ACBD6: variants seen among roughly 807,000 people sequenced by gnomAD.
ACBD6 encodes the protein acyl-CoA-binding domain-containing protein 6.
A neutral mutation model predicts 37.2 loss-of-function variants in ACBD6; 28 were observed. The observed-to-expected ratio is 0.75, with a 90% CI of 0.56 to 1.03. ACBD6 has a LOEUF of 1.03. ACBD6 is among the 50% of genes least tolerant of loss of function. ACBD6 has a pLI of 0.00. For missense variants in ACBD6, 340 were observed against 337.4 expected (o/e 1.01, Z -0.06); for synonymous variants, 113 against 126.8 (o/e 0.89, Z 0.73).
At chr1:180,419,365 T>A (rs1324311321) in intron 4 of ACBD6, among the ~76,000 whole-genome samples, 5 of 152,264 alleles carry the variant, frequency 3.3e-5, no homozygotes, top group African/African-American at 1.2e-4. Flanking sequence ...TAACATCTCC[T>A]ATGAATCTTA....
At chr1:180,271,509 C>T (rs1276903015) in exon 14 of ACBD6, 9 of 1,614,170 alleles carry the variant, frequency 5.6e-6, no homozygotes, top group Non-Finnish European at 6.8e-6. Flanking sequence ...TCCTCAGAGA[C>T]AGGCCTGGAC....
chr1:180,433,465 TTCTAAGA>T (rs1203438648), intron 3 of ACBD6, among the ~76,000 whole-genome samples: 2 of 152,182 alleles, frequency 1.3e-5, no homozygotes, highest in African/African-American at 4.8e-5. Context: ...AAAGCTTTCT[TTCTAAGA>T]TCAGGAACAA....
chr1:180,274,605 C>A, intron 10 of ACBD6: 4 of 1,535,266 alleles, frequency 2.6e-6, no homozygotes, highest in Non-Finnish European at 3.5e-6. Context: ...ACCCTACCTG[C>A]CCCCCTGGCT....
chr1:180,492,435 A>T (rs1213087942), intron 2 of ACBD6, 70 bp from the exon 3 acceptor site: 3 of 1,192,150 alleles, frequency 2.5e-6, no homozygotes, highest in Non-Finnish European at 3.7e-6. Flanking sequence ...TCTTATTATT[A>T]AAAAAACTGT....
At chr1:180,460,475 C>T (rs780958776) in intron 3 of ACBD6, among the ~76,000 whole-genome samples, 2 of 152,068 alleles carry the variant, frequency 1.3e-5, no homozygotes, top group Non-Finnish European at 2.9e-5. Flanking sequence ...CCTGGCTGGG[C>T]GAGACCTCCC....
At chr1:180,339,056 A>G (rs1651862396) in intron 6 of ACBD6, among the ~76,000 whole-genome samples, 1 of 152,248 alleles carries the variant, frequency 6.6e-6, no homozygotes, top group Non-Finnish European at 1.5e-5. Flanking sequence ...GATGTGGAGA[A>G]ACAGGAACAC....
intron 6 of ACBD6, among the ~76,000 whole-genome samples, chr1:180,335,538 T>C (rs1222070201): frequency 1.3e-5 from 2 of 152,090 alleles, no homozygotes; most frequent in African/African-American, 2.4e-5. Flanking sequence ...GAACAACAGG[T>C]ACCAGCCACT....
intron 7 of ACBD6, among the ~76,000 whole-genome samples, chr1:180,296,523 G>A (rs1649925339): frequency 6.6e-6 from 1 of 152,102 alleles, no homozygotes; most frequent in Non-Finnish European, 1.5e-5. Flanking sequence ...TTTGCCTCCT[G>A]GGCTCAAGCG....
intron 3 of ACBD6, among the ~76,000 whole-genome samples, chr1:180,479,275 A>G (rs571080438): frequency 1.3e-5 from 2 of 152,376 alleles, no homozygotes; most frequent in Admixed American, 1.3e-4. Flanking sequence ...ATGAATAAAT[A>G]AAATGTGGTA....
rs1649411693 is a variant in ACBD6 at position 180,444,689 on chromosome 1, AT to A, written c.385-14428del. Among the ~76,000 whole-genome samples the A allele has an allele frequency of 3.3e-5, 5 of 151,404 alleles. No homozygotes were observed. The Admixed American group carries it at 3.3e-4, about 10-fold the overall frequency. On this transcript the variant is annotated intron_variant, in intron 3 of 7. Transcript: ENST00000367595. ...TTCCATTTCTCTCTACTCAAAATCC[AT>A]TAAGTCACTTTTATGTTGCATCAGC...
intron 7 of ACBD6, among the ~76,000 whole-genome samples, chr1:180,299,651 C>T (rs1047658547): frequency 2.0e-5 from 3 of 151,922 alleles, no homozygotes; most frequent in African/African-American, 4.8e-5. Context: ...TGGTGCTTTG[C>T]GTGGAAGACT....
At chr1:180,337,120 T>C (rs1000121959) in intron 6 of ACBD6, among the ~76,000 whole-genome samples, 31 of 152,004 alleles carry the variant, frequency 2.0e-4, no homozygotes, top group Non-Finnish European at 4.3e-4. Context: ...TTCCAATTAA[T>C]AGAAAAGAGG....
intron 3 of ACBD6, chr1:180,435,370 T>A: frequency 2.5e-6 from 1 of 399,356 alleles, no homozygotes; most frequent in Non-Finnish European, 4.6e-6. Context: ...TGCCTCAGCC[T>A]CCCAAGTAAC....
chr1:180,352,009 T>C (rs10913971), intron 6 of ACBD6, among the ~76,000 whole-genome samples: 17,760 of 152,200 alleles, frequency 0.12, 1,381 homozygotes, highest in Middle Eastern at 0.22. Flanking sequence ...AACATAAACC[T>C]TGAAGACATT....
intron 6 of ACBD6, among the ~76,000 whole-genome samples, chr1:180,366,946 C>CTG (rs1479590541): frequency 6.6e-6 from 1 of 152,160 alleles, no homozygotes; most frequent in East Asian, 1.9e-4. Context: ...TACCAGGGGG[C>CTG]TGTGAACCCT....
chr1:180,390,883 A>G (rs1479524702), intron 6 of ACBD6, among the ~76,000 whole-genome samples: 1 of 152,168 alleles, frequency 6.6e-6, no homozygotes, highest in East Asian at 1.9e-4. Flanking sequence ...AGCCAAAACA[A>G]CTTTGAAAAA....
intron 6 of ACBD6, 69 bp downstream of exon 6, chr1:180,397,447 T>G: frequency 7.5e-7 from 1 of 1,338,288 alleles, no homozygotes; most frequent in Non-Finnish European, 1.1e-6. Context: ...AGAGTTAATC[T>G]GGTAAATTTT....
intron 5 of ACBD6, among the ~76,000 whole-genome samples, chr1:180,401,308 G>GA (rs1647348776): frequency 6.6e-6 from 1 of 152,190 alleles, no homozygotes; most frequent in Non-Finnish European, 1.5e-5. Context: ...AAAGTGCTTT[G>GA]AAAGTGCAGG....
chr1:180,469,993 A>T (rs1451571527), intron 3 of ACBD6, among the ~76,000 whole-genome samples: 2 of 152,200 alleles, frequency 1.3e-5, no homozygotes, highest in East Asian at 3.8e-4. Context: ...AATTATGTCA[A>T]ATATAATAAA....
Sources: allele counts gnomAD v4.1 joint callset (sites outside exome capture counted in the v4.1 genomes callset), GRCh38; gene constraint gnomAD v4.1.1; transcripts MANE v1.5; gene names NCBI Gene and HGNC (gene_info 2026-07-23, HGNC 2026-07-21).